TMTC2: variants seen among roughly 807,000 people sequenced by gnomAD.
TMTC2 encodes protein O-mannosyl-transferase TMTC2.
Under a neutral mutation model 82.4 loss-of-function variants are expected in TMTC2, and 43 were observed. That is an observed-to-expected ratio of 0.52 (90% CI 0.41 to 0.67). TMTC2 has a LOEUF of 0.67. Among genes scored for constraint, TMTC2 ranks in the 30% least tolerant of loss-of-function variants. The pLI, the probability that TMTC2 is intolerant of heterozygous loss-of-function variation, is 0.00. For missense variants in TMTC2, 919 were observed against 1,012.4 expected (o/e 0.91, Z 1.25); for synonymous variants, 408 against 381.9 (o/e 1.07, Z -0.80).
At chr12:82,966,427 A>G (rs534308417) in intron 6 of TMTC2, among the ~76,000 whole-genome samples, 3 of 152,126 alleles carry the variant, frequency 2.0e-5, no homozygotes, top group African/African-American at 7.2e-5. Flanking sequence ...CTCTTATGCA[A>G]TGTATTAAAA....
intron 1 of TMTC2, among the ~76,000 whole-genome samples, chr12:82,747,732 C>T (rs1349120272): frequency 6.6e-6 from 1 of 152,116 alleles, no homozygotes; most frequent in Non-Finnish European, 1.5e-5. Flanking sequence ...TATTATTTGG[C>T]ATATCATGGG....
intron 3 of TMTC2, among the ~76,000 whole-genome samples, chr12:82,917,345 G>A (rs900876051): frequency 1.3e-5 from 2 of 151,322 alleles, no homozygotes; most frequent in African/African-American, 4.9e-5. Flanking sequence ...TATTTAAATT[G>A]TAGCTGGTAA....
At chr12:82,911,468 T>C (rs776042856) in intron 3 of TMTC2, among the ~76,000 whole-genome samples, 9 of 152,130 alleles carry the variant, frequency 5.9e-5, no homozygotes, top group Non-Finnish European at 1.0e-4. Context: ...TTTAACATTA[T>C]CATCCAAGGG....
chr12:82,922,325 A>T lies in TMTC2; in HGVS notation c.1484-8106A>T, dbSNP rs563509209. 5.9e-5 allele frequency among the ~76,000 whole-genome samples: 9 copies of T among 152,326 alleles called. No individual in the cohort carries two copies. The East Asian group carries it at 1.7e-3, about 29-fold the overall frequency. ...GTCCAAAGAATAAGTACCAAAGTGA[A>T]AATTTGAAGATAATCCCAAACATCT... On this transcript the variant is annotated intron_variant, in intron 3 of 11. Transcript: ENST00000321196.
chr12:82,704,461 G>T (rs561765487), intron 1 of TMTC2, among the ~76,000 whole-genome samples: 68 of 152,116 alleles, frequency 4.5e-4, no homozygotes, highest in East Asian at 2.1e-3. Context: ...CTTACCTACT[G>T]CATTTGAAGA....
chr12:82,978,445 A>G (rs537941034), intron 7 of TMTC2, among the ~76,000 whole-genome samples: 63 of 151,750 alleles, frequency 4.2e-4, no homozygotes, highest in Non-Finnish European at 6.8e-4. Flanking sequence ...CAATCCATCT[A>G]AAATACTATT....
At chr12:82,884,446 CTT>C (rs558740435) in intron 2 of TMTC2, among the ~76,000 whole-genome samples, 2 of 152,098 alleles carry the variant, frequency 1.3e-5, no homozygotes, top group Non-Finnish European at 2.9e-5. Context: ...TGTATTCAGA[CTT>C]TTTTGATTAA....
intron 1 of TMTC2, among the ~76,000 whole-genome samples, chr12:82,708,698 GCTGTTTGTTAA>G (rs1382640604): frequency 6.6e-6 from 1 of 152,206 alleles, no homozygotes; most frequent in African/African-American, 2.4e-5. Context: ...TGCTCGAGTT[GCTGTTTGTTAA>G]CTTGGGCCCC....
chr12:83,088,998 T>C (rs1437044914), intron 11 of TMTC2, among the ~76,000 whole-genome samples: 5 of 152,186 alleles, frequency 3.3e-5, no homozygotes, highest in African/African-American at 9.7e-5. Context: ...GGCAAAGGCT[T>C]GTGCAGCTGG....
rs1873444802 is a variant in TMTC2 at position 82,892,449 on chromosome 12, AATT to A, written c.655-3364_655-3362del. 2.6e-5 allele frequency among the ~76,000 whole-genome samples: 4 copies of A among 152,218 alleles called. No individual in the cohort carries two copies. The South Asian group carries it at 8.3e-4, about 32-fold the overall frequency. Reference sequence around the variant, plus strand: ...TCTGGAATCTCAATTTTATTTCGATAATTATTAAGATATAACAAATTATTAGAG... The same window carrying A: ...TCTGGAATCTCAATTTTATTTCGATAATTAAGATATAACAAATTATTAGAG... On this transcript the variant is annotated intron_variant, in intron 2 of 11. Coordinates refer to ENST00000321196, the MANE Select transcript of TMTC2 (RefSeq NM_152588.3).
At chr12:83,040,568 A>G (rs974494926) in intron 9 of TMTC2, among the ~76,000 whole-genome samples, 1 of 149,458 alleles carries the variant, frequency 6.7e-6, no homozygotes, top group African/African-American at 2.5e-5. Flanking sequence ...ACTGTAACTC[A>G]AAACCAAAGA....
intron 8 of TMTC2, 83 bp from the exon 9 acceptor site, chr12:83,030,715 A>G: frequency 9.2e-7 from 1 of 1,084,332 alleles, no homozygotes; most frequent in South Asian, 1.4e-5. Flanking sequence ...CCAAGTAGAC[A>G]TTTGGCTACT....
intron 1 of TMTC2, among the ~76,000 whole-genome samples, chr12:82,794,809 A>C (rs980194452): frequency 1.3e-5 from 2 of 152,114 alleles, no homozygotes; most frequent in Non-Finnish European, 2.9e-5. Flanking sequence ...CCATTTGCAG[A>C]GAAGAAGTAG....
intron 1 of TMTC2, among the ~76,000 whole-genome samples, chr12:82,719,932 T>C (rs574374512): frequency 6.6e-6 from 1 of 152,240 alleles, no homozygotes; most frequent in Non-Finnish European, 1.5e-5. Flanking sequence ...TATTTGTTTG[T>C]TGAAACTTTT....
chr12:83,119,735 T>C (rs1329488339), intron 11 of TMTC2, among the ~76,000 whole-genome samples: 1 of 152,236 alleles, frequency 6.6e-6, no homozygotes, highest in Admixed American at 6.5e-5. Context: ...GTGCTGTCAG[T>C]AGAGTATAGA....
chr12:82,873,634 G>T (rs1725409012), intron 2 of TMTC2, among the ~76,000 whole-genome samples: 1 of 152,000 alleles, frequency 6.6e-6, no homozygotes, highest in Non-Finnish European at 1.5e-5. Flanking sequence ...ATGAATCTGG[G>T]TGCTTCTTTT....
intron 1 of TMTC2, among the ~76,000 whole-genome samples, chr12:82,735,528 G>T (rs1875056472): frequency 6.6e-6 from 1 of 151,800 alleles, no homozygotes; most frequent in Admixed American, 6.6e-5. Context: ...TGTATTTTTA[G>T]TAGAGACGAA....
chr12:82,798,216 A>C (rs1878816303), intron 1 of TMTC2, among the ~76,000 whole-genome samples: 1 of 148,968 alleles, frequency 6.7e-6, no homozygotes, highest in South Asian at 2.1e-4. Context: ...CAGCCTCCCA[A>C]AGTGCTGGGA....
chr12:83,004,326 C>G (rs1880057004), intron 8 of TMTC2, among the ~76,000 whole-genome samples: 1 of 152,166 alleles, frequency 6.6e-6, no homozygotes, highest in African/African-American at 2.4e-5. Flanking sequence ...TGACTTTCTT[C>G]TAGATCTCAT....
Sources: gnomAD v4.1 joint callset for allele counts (sites outside exome capture counted in the v4.1 genomes callset) on GRCh38, gnomAD v4.1.1 for gene constraint, MANE v1.5 for transcripts, NCBI Gene and HGNC (gene_info 2026-07-23, HGNC 2026-07-21) for gene names.